GLIPR1L1: variants seen among roughly 807,000 people sequenced by gnomAD.
GLIPR1L1 encodes GLIPR1-like protein 1.
A neutral mutation model predicts 29.9 loss-of-function variants in GLIPR1L1; 26 were observed. That is an observed-to-expected ratio of 0.87 (90% CI 0.64 to 1.21). The LOEUF (loss-of-function observed/expected upper bound fraction) is 1.21. GLIPR1L1 is among the 50% of genes most tolerant of loss of function. GLIPR1L1 has a pLI of 0.00. For missense variants in GLIPR1L1, 305 were observed against 290.3 expected (o/e 1.05, Z -0.37); for synonymous variants, 77 against 97.5 (o/e 0.79, Z 1.24).
chr12:75,369,350 T>C (rs2044202866), intron 4 of GLIPR1L1: 1 of 175,830 alleles, frequency 5.7e-6, no homozygotes, highest in African/African-American at 2.4e-5. Flanking sequence ...TATAGATTTT[T>C]CTCTCCTCAT....
intron 1 of GLIPR1L1, among the ~76,000 whole-genome samples, chr12:75,338,969 T>C (rs1810297966): frequency 1.3e-5 from 2 of 152,254 alleles, no homozygotes. Flanking sequence ...CCATGGTGTG[T>C]CTGTAGCACA....
chr12:75,368,924 T>C (rs1027610137), intron 4 of GLIPR1L1, among the ~76,000 whole-genome samples: 6 of 151,946 alleles, frequency 3.9e-5, no homozygotes, highest in Admixed American at 3.3e-4. Context: ...TTTATCCACA[T>C]TTCAATGAAA....
intron 1 of GLIPR1L1, among the ~76,000 whole-genome samples, chr12:75,338,678 T>C (rs912263877): frequency 2.0e-5 from 3 of 152,176 alleles, no homozygotes; most frequent in South Asian, 2.1e-4. Flanking sequence ...GGTGGTTTGC[T>C]GCACAGATCA....
Position 75,343,695 on chromosome 12 carries a change from T to G in GLIPR1L1, c.177T>G (p.Ile59Met). The G allele has an allele frequency of 6.3e-7, 1 of 1,591,184 alleles. No homozygotes were observed. Among genetic ancestry groups the G allele is most frequent in the Non-Finnish European group, 8.6e-7 (1 of 1,168,390 alleles). Residue 59 changes from isoleucine to methionine, a missense_variant and splice_region_variant, in exon 2 of 6, where the codon ATT becomes ATG. Physicochemically the swap from Ile to Met is conservative, Grantham distance 10. Transcript: ENST00000378695. ...NPPAADMKYMIWDKGLAKMAK... is the reference protein window; with the variant it reads ...NPPAADMKYMMWDKGLAKMAK... ...TTTAAATTATTTTTATCTTTCAGAT[T>G]TGGGATAAAGGTTTAGCAAAGATGG...
At chr12:75,340,835 C>T (rs1361877936) in intron 1 of GLIPR1L1, among the ~76,000 whole-genome samples, 1 of 151,262 alleles carries the variant, frequency 6.6e-6, no homozygotes, top group East Asian at 1.9e-4. Flanking sequence ...ACATGCTAAA[C>T]ATCATTAGCC....
Position 75,370,396 on chromosome 12 carries a change from A to G in GLIPR1L1, c.*220A>G. ...GATTATTTTTTAATTACAAATCCATATGTGTATCAAAAGTGTTCCACTCTT... is the reference window on the plus strand; with the variant it reads ...GATTATTTTTTAATTACAAATCCATGTGTGTATCAAAAGTGTTCCACTCTT... On this transcript the variant is annotated 3_prime_UTR_variant, in exon 6 of 6. Transcript: ENST00000378695. 2.6e-6 allele frequency: 1 copy of G among 382,770 alleles called. No individual in the cohort carries two copies. Among genetic ancestry groups the G allele is most frequent in the Non-Finnish European group, 4.7e-6 (1 of 211,216 alleles). The allele number at this position is 382,770 out of a possible 1,614,324, so 23.7% of individuals were successfully genotyped here. A position where few individuals can be genotyped will look rare whatever the true frequency, so the allele number is the denominator to read the frequency against.
intron 1 of GLIPR1L1, among the ~76,000 whole-genome samples, chr12:75,342,926 C>T (rs895504270): frequency 4.2e-4 from 63 of 151,586 alleles, no homozygotes; most frequent in African/African-American, 1.5e-3. Flanking sequence ...GAATGTTTTG[C>T]AGCTATTCAT....
chr12:75,363,159 A>C lies in GLIPR1L1; in HGVS notation c.579A>C (p.Ser193=). The part of the protein sequence containing the change: ...YVRGESCSLC[S]KEEKCVKNLC... ...GAGGAGAATCTTGCTCTCTCTGCTC[A>C]AAAGAAGAGAAATGTGTAAAGAACC... Residue 193 remains serine, a synonymous_variant, in exon 4 of 6, where the codon TCA becomes TCC. Coordinates refer to ENST00000378695, the MANE Select transcript of GLIPR1L1 (RefSeq NM_001304964.2). The C allele has an allele frequency of 6.5e-7, 1 of 1,546,376 alleles. No homozygotes were observed. The highest frequency in any genetic ancestry group is 2.0e-4 in the Middle Eastern group (1 of 5,042).
In GLIPR1L1 at chr12:75,335,940, G is replaced by A. The variant is rs572769096; in HGVS notation, c.174+1038G>A. Among the ~76,000 whole-genome samples, 3 of 152,048 alleles carry A rather than the reference G, an allele frequency of 2.0e-5. No homozygotes were observed. In the South Asian group the frequency reaches 6.2e-4, roughly 32 times the overall value. ...AAATGTATGATAAAAAAGAGTAAAT[G>A]TGGGGTTAAATATAATAAATGTTCT... is the stretch of plus-strand genomic sequence containing the variant. On this transcript the variant is annotated intron_variant, in intron 1 of 5. Transcript: ENST00000378695.
chr12:75,334,887 C>G lies in GLIPR1L1; in HGVS notation c.159C>G (p.Ala53=). Residue 53 remains alanine (A), a synonymous_variant, in exon 1 of 6, where the codon GCC becomes GCG. Coordinates refer to ENST00000378695, the MANE Select transcript of GLIPR1L1 (RefSeq NM_001304964.2). ...GTGGCAAAGTCAACCCTCCCGCGGC[C>G]GACATGAAATACATGGTGAGAAAGA... ...EWRGKVNPPA[A]DMKYMIWDKG... 1 of 1,613,752 alleles carries G rather than the reference C, an allele frequency of 6.2e-7. No individual in the cohort carries two copies. Among genetic ancestry groups the G allele is most frequent in the Non-Finnish European group, 8.5e-7 (1 of 1,179,786 alleles).
chr12:75,352,164 C>T (rs1423914118), intron 3 of GLIPR1L1, among the ~76,000 whole-genome samples: 3 of 152,168 alleles, frequency 2.0e-5, no homozygotes, highest in African/African-American at 4.8e-5. Flanking sequence ...ACTATACTAA[C>T]GTTAAATGTA....
At chr12:75,357,216 T>A (rs1235964764) in intron 3 of GLIPR1L1, among the ~76,000 whole-genome samples, 1 of 152,098 alleles carries the variant, frequency 6.6e-6, no homozygotes, top group African/African-American at 2.4e-5. Flanking sequence ...TGCTGCACTG[T>A]TTACATTAGT....
chr12:75,369,503 C>T, intron 4 of GLIPR1L1: 1 of 975,584 alleles, frequency 1.0e-6, no homozygotes. Context: ...GTGCTGGATG[C>T]TATTAGAATG....
intron 4 of GLIPR1L1, among the ~76,000 whole-genome samples, chr12:75,367,544 CA>C (rs1368147479): frequency 1.3e-5 from 2 of 151,710 alleles, no homozygotes; most frequent in African/African-American, 4.8e-5. Flanking sequence ...TCTTGCACAT[CA>C]AATTATATTC....
At chr12:75,352,933 T>A (rs2042908177) in intron 3 of GLIPR1L1, among the ~76,000 whole-genome samples, 1 of 152,178 alleles carries the variant, frequency 6.6e-6, no homozygotes, top group Admixed American at 6.5e-5. Context: ...AATCAAGAAG[T>A]CCTTAGAAAC....
intron 4 of GLIPR1L1, among the ~76,000 whole-genome samples, chr12:75,366,251 T>TA (rs770271953): frequency 1.6e-3 from 248 of 152,288 alleles, no homozygotes; most frequent in Non-Finnish European, 2.6e-3. Context: ...TCCCATTTTT[T>TA]ATTTCAGAAC....
In GLIPR1L1 at chr12:75,343,863, G is replaced by A. The variant is rs139384889; in HGVS notation, c.345G>A (p.Thr115=). ...IKSFTPRHAI[T]AWYNETQFYD... The stretch of plus-strand genomic sequence containing the variant: ...CATTCACACCAAGACATGCCATTAC[G>A]GCTTGGTATAATGAAACCCAATTTT... Residue 115 remains threonine, a synonymous_variant, in exon 2 of 6, where the codon ACG becomes ACA. Transcript: ENST00000378695. 2.1e-5 allele frequency: 34 copies of A among 1,612,664 alleles called. No individual in the cohort carries two copies. Among genetic ancestry groups the A allele is most frequent in the Non-Finnish European group, 2.7e-5 (32 of 1,178,928 alleles).
At chr12:75,368,661 A>G (rs2044156470) in intron 4 of GLIPR1L1, among the ~76,000 whole-genome samples, 3 of 151,766 alleles carry the variant, frequency 2.0e-5, no homozygotes, top group Non-Finnish European at 1.5e-5. Context: ...TTCCTCCTGC[A>G]TTTTTCCTTG....
chr12:75,357,973 T>TA (rs1313204999), intron 3 of GLIPR1L1, among the ~76,000 whole-genome samples: 48 of 127,608 alleles, frequency 3.8e-4, no homozygotes, highest in South Asian at 9.7e-4. Flanking sequence ...AAATCTAAAG[T>TA]AAAAAAAAAA....
Sources: allele counts gnomAD v4.1 joint callset (sites outside exome capture counted in the v4.1 genomes callset), GRCh38; gene constraint gnomAD v4.1.1; transcripts MANE v1.5; gene names NCBI Gene and HGNC (gene_info 2026-07-23, HGNC 2026-07-21).